AMMECR1: variants seen among roughly 807,000 people sequenced by gnomAD.
AMMECR1 encodes the protein AMMECR nuclear protein 1.
A neutral mutation model predicts 22.5 loss-of-function variants in AMMECR1; 3 were observed. The observed-to-expected ratio is 0.13, with a 90% CI of 0.06 to 0.35. AMMECR1 has a LOEUF of 0.35. Ranked by LOEUF, AMMECR1 falls within the 10% of genes least tolerant of loss-of-function variation. The pLI is 1.00. For missense variants in AMMECR1, 235 were observed against 278.7 expected (o/e 0.84, Z 1.12); for synonymous variants, 130 against 116.7 (o/e 1.11, Z -0.74).
At chrX:110,225,752 A>T (rs1398534639) in intron 2 of AMMECR1, among the ~76,000 whole-genome samples, 2 of 112,131 alleles carry the variant, frequency 1.8e-5, no homozygotes, top group African/African-American at 6.5e-5. Flanking sequence ...ACCTGTACTA[A>T]GAACTAGAAA....
intron 2 of AMMECR1, among the ~76,000 whole-genome samples, chrX:110,423,199 A>T (rs1175878453): frequency 9.0e-6 from 1 of 111,038 alleles, no homozygotes; most frequent in Admixed American, 9.5e-5. Flanking sequence ...GTGGTGGAAC[A>T]TGCCTGTAAT....
At chrX:110,250,552 G>A (rs1421577600) in intron 2 of AMMECR1, among the ~76,000 whole-genome samples, 1 of 112,205 alleles carries the variant, frequency 8.9e-6, no homozygotes. Context: ...GATATTACTC[G>A]GAGGGTTAAG....
At chrX:110,217,704 C>T (rs968224305) in intron 2 of AMMECR1, among the ~76,000 whole-genome samples, 2 of 111,415 alleles carry the variant, frequency 1.8e-5, no homozygotes, top group East Asian at 5.6e-4. Flanking sequence ...TGGATTTATC[C>T]TCAGAGGTTA....
chrX:110,216,466 T>A, intron 3 of AMMECR1, 52 bp downstream of exon 3: 1 of 923,778 alleles, frequency 1.1e-6, no homozygotes, highest in Non-Finnish European at 1.5e-6. Flanking sequence ...ATTTTTAACA[T>A]CTCCTCAAGA....
At chrX:110,265,654 T>C (rs1185406806) in intron 1 of AMMECR1, among the ~76,000 whole-genome samples, 1 of 111,976 alleles carries the variant, frequency 8.9e-6, no homozygotes, top group Non-Finnish European at 1.9e-5. Context: ...ATAAGTACCT[T>C]ACAATGGGGA....
chrX:110,212,172 T>C (rs965803623), intron 3 of AMMECR1, among the ~76,000 whole-genome samples: 3 of 111,711 alleles, frequency 2.7e-5, no homozygotes, highest in African/African-American at 9.8e-5. Flanking sequence ...AGTTCCCAAA[T>C]AGACCGAGTT....
At chrX:110,226,133 T>C (rs1219927537) in intron 2 of AMMECR1, among the ~76,000 whole-genome samples, 1 of 112,150 alleles carries the variant, frequency 8.9e-6, no homozygotes, top group Non-Finnish European at 1.9e-5. Flanking sequence ...CATGGCACTA[T>C]GAGCAAAAGC....
At chrX:110,363,195 T>C (rs1469730824) in intron 2 of AMMECR1, among the ~76,000 whole-genome samples, 1 of 111,988 alleles carries the variant, frequency 8.9e-6, no homozygotes, top group Non-Finnish European at 1.9e-5. Context: ...GAGTGTCAGA[T>C]GCAGAAGCTA....
chrX:110,264,996 C>T (rs1008468265), intron 1 of AMMECR1, among the ~76,000 whole-genome samples: 1 of 111,462 alleles, frequency 9.0e-6, no homozygotes, highest in African/African-American at 3.3e-5. Context: ...TGTGTAATTA[C>T]TCATTTAAAC....
At position 110,337,981 on chromosome X, in the gene AMMECR1, T is replaced by A. The variant is rs536199720; in HGVS notation, c.-147-20132A>T. ...GCCAGTCACAAAAAGACAAATACTG[T>A]ATGATTCTACCTATATGAGGTACTT... On this transcript the variant is annotated intron_variant, in intron 2 of 7. Coordinates refer to the AMMECR1 transcript ENST00000372057. 2.9e-4 allele frequency among the ~76,000 whole-genome samples: 32 copies of A among 112,231 alleles called. No homozygotes were observed. The South Asian group carries it at 0.012, about 41-fold the overall frequency.
intron 2 of AMMECR1, among the ~76,000 whole-genome samples, chrX:110,345,611 A>T (rs1486057046): frequency 1.8e-5 from 2 of 110,566 alleles, no homozygotes. Flanking sequence ...CTGTAAAACT[A>T]CCTACTGGGT....
At chrX:110,320,394 G>A (rs993459821), upstream of AMMECR1, among the ~76,000 whole-genome samples, 4 of 111,665 alleles carry the variant, frequency 3.6e-5, no homozygotes, top group African/African-American at 6.5e-5. Context: ...CCACTAAAGT[G>A]ATCATTTCTA....
intron 1 of AMMECR1, among the ~76,000 whole-genome samples, chrX:110,292,661 C>CAA (rs1451004164): frequency 8.9e-6 from 1 of 111,860 alleles, no homozygotes; most frequent in Non-Finnish European, 1.9e-5. Context: ...CTGAAAAAGG[C>CAA]AAAATTGTGG....
intron 1 of AMMECR1, among the ~76,000 whole-genome samples, chrX:110,437,229 G>A (rs1343229078): frequency 1.8e-5 from 2 of 112,003 alleles, no homozygotes; most frequent in East Asian, 2.8e-4. Flanking sequence ...CTGCAGTTGT[G>A]AGACTTGCAC....
At chrX:110,396,437 T>TC (rs373103405) in intron 2 of AMMECR1, among the ~76,000 whole-genome samples, 31 of 110,983 alleles carry the variant, frequency 2.8e-4, no homozygotes, top group African/African-American at 6.2e-4. Context: ...GAAATTATTA[T>TC]CCCCCCCATC....
At chrX:110,318,475 G>A (rs1427075254), upstream of AMMECR1, among the ~76,000 whole-genome samples, 1 of 110,812 alleles carries the variant, frequency 9.0e-6, no homozygotes, top group Non-Finnish European at 1.9e-5. Context: ...AGGAAGGAGG[G>A]AAAGGGAAAC....
At chrX:110,225,157 T>C in intron 2 of AMMECR1, 1 of 274,818 alleles carries the variant, frequency 3.6e-6, no homozygotes. Flanking sequence ...TGTACTACTA[T>C]GACAGGCTAA....
At chrX:110,393,060 C>A (rs954033502) in intron 2 of AMMECR1, among the ~76,000 whole-genome samples, 2 of 111,690 alleles carry the variant, frequency 1.8e-5, no homozygotes, top group Non-Finnish European at 3.8e-5. Context: ...CACATTTGCA[C>A]AATTTGCACA....
intron 1 of AMMECR1, among the ~76,000 whole-genome samples, chrX:110,279,614 C>T (rs1197588422): frequency 8.9e-6 from 1 of 111,749 alleles, no homozygotes; most frequent in Non-Finnish European, 1.9e-5. Flanking sequence ...TTGAAGTATA[C>T]TGACACCTAC....
Sources: gnomAD v4.1 joint callset for allele counts (sites outside exome capture counted in the v4.1 genomes callset) on GRCh38, gnomAD v4.1.1 for gene constraint, MANE v1.5 for transcripts, NCBI Gene and HGNC (gene_info 2026-07-23, HGNC 2026-07-21) for gene names.